UBE2D2: variants seen among roughly 807,000 people sequenced by gnomAD.
UBE2D2 encodes the protein ubiquitin conjugating enzyme E2 D2.
Under a neutral mutation model 24.2 loss-of-function variants are expected in UBE2D2, and 2 were observed. The ratio of observed to expected loss-of-function variants is 0.08; its 90% CI spans 0.03 to 0.26. The LOEUF (loss-of-function observed/expected upper bound fraction) is 0.26. UBE2D2 is among the 10% of genes least tolerant of loss of function. UBE2D2 has a pLI of 1.00. For synonymous variants in UBE2D2, 58 were observed against 56.5 expected, an observed-to-expected ratio of 1.03 and a Z score of -0.12; for missense variants, 44 against 177.6, an observed-to-expected ratio of 0.25 and a Z score of 4.28.
At chr5:139,564,546 T>C (rs920757994) in intron 1 of UBE2D2, among the ~76,000 whole-genome samples, 105 of 152,058 alleles carry the variant, frequency 6.9e-4, no homozygotes, top group African/African-American at 2.1e-3. Flanking sequence ...TTCCGCTTCC[T>C]GGGTTCAAGC....
intron 5 of UBE2D2, among the ~76,000 whole-genome samples, chr5:139,617,840 AACAG>A (rs1754446736): frequency 6.6e-6 from 1 of 152,176 alleles, no homozygotes; most frequent in South Asian, 2.1e-4. Context: ...AAGAAGCAAA[AACAG>A]ACAGTTAACT....
intron 2 of UBE2D2, among the ~76,000 whole-genome samples, chr5:139,606,845 G>A (rs1047763333): frequency 2.6e-5 from 4 of 151,840 alleles, no homozygotes; most frequent in East Asian, 3.9e-4. Flanking sequence ...TCACATCGTC[G>A]CCCCCCTGGA....
intron 2 of UBE2D2, chr5:139,612,164 G>C (rs1025573225): frequency 2.5e-5 from 4 of 163,088 alleles, no homozygotes; most frequent in African/African-American, 9.6e-5. Context: ...GTGTAGATTT[G>C]TTTCGAAGTC....
chr5:139,543,531 C>G (rs1041409652), intron 1 of UBE2D2, among the ~76,000 whole-genome samples: 1 of 152,232 alleles, frequency 6.6e-6, no homozygotes, highest in Admixed American at 6.5e-5. Context: ...CTTACCCCGC[C>G]GGAGGGCGCC....
intron 1 of UBE2D2, among the ~76,000 whole-genome samples, chr5:139,534,990 T>C (rs1423303018): frequency 6.7e-6 from 1 of 148,562 alleles, no homozygotes; most frequent in Non-Finnish European, 1.5e-5. Context: ...AATAGAAAAA[T>C]TAGCCAGGTT....
intron 2 of UBE2D2, among the ~76,000 whole-genome samples, chr5:139,601,259 G>T (rs1754066420): frequency 6.6e-6 from 1 of 151,908 alleles, no homozygotes; most frequent in South Asian, 2.1e-4. Flanking sequence ...TTTTAAAGAG[G>T]GGATATTTGA....
At chr5:139,533,716 G>A (rs1250256351) in intron 1 of UBE2D2, among the ~76,000 whole-genome samples, 2 of 152,000 alleles carry the variant, frequency 1.3e-5, no homozygotes, top group African/African-American at 2.4e-5. Context: ...GTGTATTACT[G>A]GGAGCGTCAG....
chr5:139,533,931 C>T (rs994086603), intron 1 of UBE2D2, among the ~76,000 whole-genome samples: 8 of 150,908 alleles, frequency 5.3e-5, no homozygotes, highest in Non-Finnish European at 1.0e-4. Flanking sequence ...TACAGGCGCC[C>T]GCCACCAAGC....
At chr5:139,578,206 G>A (rs552051421) in intron 1 of UBE2D2, among the ~76,000 whole-genome samples, 7 of 152,178 alleles carry the variant, frequency 4.6e-5, no homozygotes, top group East Asian at 1.9e-4. Context: ...CTGTGGAGTC[G>A]CTACCACTGC....
chr5:139,619,973 A>AGG (rs1170925981), intron 5 of UBE2D2, among the ~76,000 whole-genome samples: 1 of 152,160 alleles, frequency 6.6e-6, no homozygotes, highest in African/African-American at 2.4e-5. Flanking sequence ...CAGAAGGCAA[A>AGG]GGGGGAGCCA....
upstream of UBE2D2, among the ~76,000 whole-genome samples, chr5:139,560,764 A>C (rs1753058918): frequency 6.6e-6 from 1 of 152,222 alleles, no homozygotes; most frequent in African/African-American, 2.4e-5. Flanking sequence ...CATACATGCC[A>C]GTGGCTGAGA....
At chr5:139,582,739 C>T (rs897581313) in intron 1 of UBE2D2, among the ~76,000 whole-genome samples, 6 of 141,456 alleles carry the variant, frequency 4.2e-5, no homozygotes, top group South Asian at 2.3e-4. Context: ...GGCTCAATCT[C>T]GGCTCACTGC....
rs772285881 is a variant in UBE2D2, at chr5:139,608,882, C to T, written c.89-5704C>T. On this transcript the variant is annotated intron_variant, in intron 2 of 6. Coordinates refer to ENST00000398733, the MANE Select transcript of UBE2D2 (RefSeq NM_003339.3). ...GGTGGATCACCTGAAGTCAGGAGTT[C>T]GAGACCAGCCTAACCAACATGGTGA... is the stretch of plus-strand genomic sequence containing the variant. 2.2e-4 allele frequency among the ~76,000 whole-genome samples: 34 copies of T among 152,064 alleles called. No homozygotes were observed. In the Middle Eastern group the frequency reaches 0.017, roughly 76 times the overall value.
chr5:139,565,692 C>T (rs929292220), intron 1 of UBE2D2, among the ~76,000 whole-genome samples: 1 of 152,112 alleles, frequency 6.6e-6, no homozygotes, highest in Non-Finnish European at 1.5e-5. Context: ...CTTGGCTGAT[C>T]GGAGACCTTT....
intron 1 of UBE2D2, among the ~76,000 whole-genome samples, chr5:139,593,446 T>G (rs936983015): frequency 3.9e-5 from 6 of 152,104 alleles, no homozygotes; most frequent in Non-Finnish European, 8.8e-5. Context: ...AAATGATCTC[T>G]TATGACCCTG....
At chr5:139,555,291 T>C (rs1157660527) in intron 1 of UBE2D2, among the ~76,000 whole-genome samples, 2 of 152,186 alleles carry the variant, frequency 1.3e-5, no homozygotes, top group Non-Finnish European at 2.9e-5. Flanking sequence ...TCCACCCACC[T>C]TGGCCTCCCA....
chr5:139,600,344 A>G, intron 1 of UBE2D2, 28 bp from the exon 2 acceptor site: 1 of 1,609,786 alleles, frequency 6.2e-7, no homozygotes. Flanking sequence ...TATGTTGAAT[A>G]TATTTCTTTT....
At chr5:139,592,996 CTTTT>C (rs138217969) in intron 1 of UBE2D2, among the ~76,000 whole-genome samples, 6 of 124,766 alleles carry the variant, frequency 4.8e-5, no homozygotes, top group Admixed American at 8.3e-5. Flanking sequence ...TTCTTTTTTC[CTTTT>C]TTTTTTTTTT....
At chr5:139,592,140 T>G (rs960391815) in intron 1 of UBE2D2, among the ~76,000 whole-genome samples, 3 of 152,082 alleles carry the variant, frequency 2.0e-5, no homozygotes, top group Non-Finnish European at 2.9e-5. Flanking sequence ...AAAGACAGGT[T>G]GCAGTGAACC....
Sources: gnomAD v4.1 joint callset for allele counts (sites outside exome capture counted in the v4.1 genomes callset) on GRCh38, gnomAD v4.1.1 for gene constraint, MANE v1.5 for transcripts, NCBI Gene and HGNC (gene_info 2026-07-23, HGNC 2026-07-21) for gene names.